Variants in BPTF observed in about 807,000 individuals in gnomAD.
The protein encoded by BPTF is nucleosome-remodeling factor subunit BPTF.
A neutral mutation model predicts 292.5 loss-of-function variants in BPTF; 18 were observed. The ratio of observed to expected loss-of-function variants is 0.06; its 90% CI spans 0.04 to 0.09. The LOEUF is 0.09. Ranked by LOEUF, BPTF falls within the 10% of genes least tolerant of loss-of-function variation. BPTF has a pLI of 1.00. For missense variants in BPTF, 2,726 were observed against 3,498.7 expected (o/e 0.78, Z 5.57); for synonymous variants, 1,225 against 1,251.9 (o/e 0.98, Z 0.45).
intron 3 of BPTF, among the ~76,000 whole-genome samples, chr17:67,871,022 C>T (rs1025267943): frequency 2.6e-5 from 4 of 152,036 alleles, no homozygotes; most frequent in African/African-American, 7.2e-5. Context: ...CCGCCCGCCT[C>T]GGCCTCCCAA....
chr17:67,883,789 C>T (rs1046457288), intron 4 of BPTF, among the ~76,000 whole-genome samples: 4 of 152,076 alleles, frequency 2.6e-5, no homozygotes, highest in African/African-American at 9.7e-5. Context: ...TTAGTAGAGA[C>T]GGGGTTTCAC....
chr17:67,853,909 A>G, intron 1 of BPTF, 31 bp from the exon 2 acceptor site: 2 of 1,542,098 alleles, frequency 1.3e-6, no homozygotes, highest in Non-Finnish European at 1.8e-6. Context: ...TAATGTATTG[A>G]TTTGTAATGA....
chr17:67,835,770 A>G (rs1040553342), intron 1 of BPTF, among the ~76,000 whole-genome samples: 10 of 149,582 alleles, frequency 6.7e-5, no homozygotes, highest in African/African-American at 2.2e-4. Flanking sequence ...GGTTCACGCC[A>G]TTCTCTTGCC....
At position 67,911,057 on chromosome 17, in the gene BPTF, C is replaced by G. The variant is rs1427681120; in HGVS notation, c.3173C>G (p.Ser1058Cys). The G allele has an allele frequency of 6.2e-7, 1 of 1,613,778 alleles. No individual in the cohort carries two copies. The highest frequency in any genetic ancestry group is 8.5e-7 in the Non-Finnish European group (1 of 1,179,984). ...RTSYKKKTKSSKLDGLLERRI... is the reference protein window; with the variant it reads ...RTSYKKKTKSCKLDGLLERRI... Reference sequence around the variant, plus strand: ...AGTTACAAAAAGAAAACAAAATCATCCAAACTAGATGGACTTCTTGAAAGG... The same window carrying G: ...AGTTACAAAAAGAAAACAAAATCATGCAAACTAGATGGACTTCTTGAAAGG... The change falls in exon 11 of 28, where the codon TCC becomes TGC. Residue 1058 changes from serine (S) to cysteine (C), a missense_variant. Around this residue, in one of 22 missense-constraint regions of BPTF, gnomAD observed 713 missense variants for 714.9 expected, o/e 1.00. Coordinates refer to ENST00000306378, the MANE Select transcript of BPTF (RefSeq NM_182641.4).
rs528700368 is a variant in BPTF, at chr17:67,845,031, C to A, written c.614-8909C>A. ...GTGCTGGGATTACAGGCATGAGCCA[C>A]TGCGCCCAGCCTGATTGTTTTTTAC... On this transcript the variant is annotated intron_variant, in intron 1 of 27. Coordinates refer to ENST00000306378, the MANE Select transcript of BPTF (RefSeq NM_182641.4). Among the ~76,000 whole-genome samples, 3 of 152,318 alleles carry A rather than the reference C, an allele frequency of 2.0e-5. No homozygotes were observed. The South Asian group carries it at 6.2e-4, about 32-fold the overall frequency.
chr17:67,973,330 C>T (rs572927889), intron 26 of BPTF, among the ~76,000 whole-genome samples: 1 of 149,960 alleles, frequency 6.7e-6, no homozygotes, highest in Admixed American at 6.7e-5. Flanking sequence ...GCTAAGATCC[C>T]GCCACTGCAC....
At chr17:67,855,533 A>C (rs2058638701) in intron 2 of BPTF, among the ~76,000 whole-genome samples, 1 of 152,156 alleles carries the variant, frequency 6.6e-6, no homozygotes, top group African/African-American at 2.4e-5. Context: ...CCCCCAGGAG[A>C]AGATGATCCC....
intron 23 of BPTF, chr17:67,951,803 C>T (rs2066386220): frequency 6.6e-6 from 1 of 152,048 alleles, no homozygotes; most frequent in South Asian, 2.1e-4. Context: ...TGCCTGTAAT[C>T]CCAGCACCTT....
intron 4 of BPTF, among the ~76,000 whole-genome samples, chr17:67,878,918 T>A (rs2060210464): frequency 6.6e-6 from 1 of 152,164 alleles, no homozygotes; most frequent in African/African-American, 2.4e-5. Flanking sequence ...TTGTGATGTA[T>A]TTTCCTTGTT....
rs782523259 is a variant in BPTF, at chr17:67,946,080, G to C, written c.7372G>C (p.Ala2458Pro). Residue 2458 changes from alanine (A) to proline (P), a missense_variant, in exon 21 of 28, where the codon GCT becomes CCT. By Grantham distance (27) the Ala-to-Pro change is conservative. This residue lies in a region of BPTF where 570 missense variants were observed against 633.5 expected (regional missense o/e 0.90). Coordinates refer to ENST00000306378, the MANE Select transcript of BPTF (RefSeq NM_182641.4). ...GTCACAGGTTGTGGCTCAGATACAG[G>C]CTCAGCAAAGTGGTGTGCCCCAGCA... ...IQSQVVAQIQ[A>P]QQSGVPQQIK... is the part of the protein sequence containing the mutation. 7 of 1,613,994 alleles carry C rather than the reference G, an allele frequency of 4.3e-6. No individual in the cohort carries two copies. The African/African-American group carries it at 6.7e-5, about 15-fold the overall frequency.
At chr17:67,938,748 G>C (rs2065127563) in intron 18 of BPTF, among the ~76,000 whole-genome samples, 1 of 152,160 alleles carries the variant, frequency 6.6e-6, no homozygotes, top group African/African-American at 2.4e-5. Flanking sequence ...TTTTTAAAAA[G>C]ACTAGTCTGG....
At chr17:67,831,152 A>C (rs2056633362) in intron 1 of BPTF, among the ~76,000 whole-genome samples, 1 of 152,122 alleles carries the variant, frequency 6.6e-6, no homozygotes, top group South Asian at 2.1e-4. Flanking sequence ...CAAGGACGAG[A>C]TAGCTGGTGG....
At chr17:67,929,267 C>CA (rs548184581) in intron 16 of BPTF, 69 bp from the exon 17 acceptor site, 45 of 1,573,396 alleles carry the variant, frequency 2.9e-5, no homozygotes, top group Non-Finnish European at 3.8e-5. Context: ...TTCTCCTCAG[C>CA]AACCGAGCAC....
At chr17:67,886,206 A>T in intron 4 of BPTF, 1 of 1,614,022 alleles carries the variant, frequency 6.2e-7, no homozygotes, top group South Asian at 1.1e-5. Context: ...GAAAACAGTA[A>T]CAGCAGCAGT....
chr17:67,851,568 T>C (rs182059283), intron 1 of BPTF, among the ~76,000 whole-genome samples: 41 of 152,358 alleles, frequency 2.7e-4, no homozygotes, highest in African/African-American at 7.0e-4. Context: ...AGAGAAGATA[T>C]TAGTATAAGG....
intron 9 of BPTF, among the ~76,000 whole-genome samples, chr17:67,905,200 A>C (rs1247366218): frequency 1.3e-5 from 2 of 152,104 alleles, no homozygotes; most frequent in Non-Finnish European, 2.9e-5. Context: ...ACTTGAGGTC[A>C]GGAGTTCTAG....
chr17:67,852,194 C>G (rs769279013), intron 1 of BPTF, among the ~76,000 whole-genome samples: 28 of 151,988 alleles, frequency 1.8e-4, no homozygotes, highest in Admixed American at 1.6e-3. Flanking sequence ...TGTATTTATA[C>G]AAGACTATGA....
Position 67,945,488 on chromosome 17 carries a change from A to C in BPTF, c.6780A>C (p.Ser2260=). ...ACAAAACCCTGCCACCAGCTCAGTC[A>C]TCAAGTGTGGGTCCAGCAGAAGCCC... The part of the protein sequence containing the change: ...HQDKTLPPAQ[S]SSVGPAEAQP... Residue 2260 remains serine (S), a synonymous_variant, in exon 21 of 28, where the codon TCA becomes TCC. Coordinates refer to ENST00000306378, the MANE Select transcript of BPTF (RefSeq NM_182641.4). 1 of 1,614,112 alleles carries C rather than the reference A, an allele frequency of 6.2e-7. No individual in the cohort carries two copies. Among genetic ancestry groups the C allele is most frequent in the Non-Finnish European group, 8.5e-7 (1 of 1,180,032 alleles).
At chr17:67,930,463 T>C (rs2064283532) in intron 17 of BPTF, among the ~76,000 whole-genome samples, 1 of 151,912 alleles carries the variant, frequency 6.6e-6, no homozygotes, top group African/African-American at 2.4e-5. Context: ...CCTCCCAAAG[T>C]GCTGGGATTA....
Sources: gnomAD v4.1 joint callset for allele counts (sites outside exome capture counted in the v4.1 genomes callset) on GRCh38, gnomAD v4.1.1 for gene constraint, gnomAD v4.1.1 regional missense constraint, MANE v1.5 for transcripts, NCBI Gene and HGNC (gene_info 2026-07-23, HGNC 2026-07-21) for gene names.